The following ELOVL5 variants were observed in gnomAD, a reference collection of about 807,000 sequenced individuals.
The protein encoded by ELOVL5 is ELOVL fatty acid elongase 5, also known as very long chain fatty acid elongase 5.
Under a neutral mutation model 38.6 loss-of-function variants are expected in ELOVL5, and 8 were observed. That is an observed-to-expected ratio of 0.21 (90% CI 0.12 to 0.37). The LOEUF (loss-of-function observed/expected upper bound fraction) is 0.37. Among genes scored for constraint, ELOVL5 ranks in the 10% least tolerant of loss-of-function variants. The pLI, the probability that ELOVL5 is intolerant of heterozygous loss-of-function variation, is 1.00. For synonymous variants in ELOVL5, 127 were observed against 133.7 expected (o/e 0.95, Z 0.34); for missense variants, 280 against 367.8 (o/e 0.76, Z 1.95).
rs1428792159 is a variant in ELOVL5 at position 53,331,902 on chromosome 6, T to A, written c.-9+16915A>T. Among the ~76,000 whole-genome samples, 3 of 152,218 alleles carry A rather than the reference T, an allele frequency of 2.0e-5. No individual in the cohort carries two copies. In the East Asian group the frequency reaches 5.8e-4, roughly 29 times the overall value. On this transcript the variant is annotated intron_variant, in intron 1 of 7. Coordinates refer to ENST00000304434, the MANE Select transcript of ELOVL5 (RefSeq NM_021814.5). ...CTGCACAAGCAGCACAGTGCCAGCA[T>A]CTGCTTCTGGTGGGGCCTCAGGAAG...
chr6:53,290,428 T>C (rs1480282688), intron 3 of ELOVL5: 1 of 152,184 alleles, frequency 6.6e-6, no homozygotes, highest in Non-Finnish European at 1.5e-5. Context: ...TTTTGTCCCT[T>C]GAACACAGAA....
At chr6:53,305,642 G>T (rs1373405881) in intron 1 of ELOVL5, among the ~76,000 whole-genome samples, 1 of 151,126 alleles carries the variant, frequency 6.6e-6, no homozygotes, top group Admixed American at 6.6e-5. Context: ...TTCCTAGATG[G>T]GATGGCGGCC....
intron 1 of ELOVL5, among the ~76,000 whole-genome samples, chr6:53,325,836 C>G (rs1307162378): frequency 3.3e-5 from 5 of 152,220 alleles, no homozygotes; most frequent in Non-Finnish European, 5.9e-5. Flanking sequence ...TATTAAGCAG[C>G]CATGTTAATT....
intron 1 of ELOVL5, among the ~76,000 whole-genome samples, chr6:53,301,080 G>A (rs960669597): frequency 3.3e-5 from 5 of 152,152 alleles, no homozygotes; most frequent in African/African-American, 9.7e-5. Flanking sequence ...ATACTCTTTT[G>A]TACTAAAGGA....
rs1220766071 is a variant in ELOVL5 at position 53,273,253 on chromosome 6, G to C, written c.588C>G (p.Leu196=). ...CCTGAGTGATGTACTTCTTCCACCA[G>C]AGGTATGGACGCATGGAAGGGACTG... ...LSSVPSMRPY[L]WWKKYITQGQ... is the part of the protein sequence containing the mutation. The change falls in exon 6 of 8, where the codon CTC becomes CTG. Residue 196 remains leucine, a synonymous_variant. Coordinates refer to ENST00000304434, the MANE Select transcript of ELOVL5 (RefSeq NM_021814.5). The C allele has an allele frequency of 6.2e-7, 1 of 1,613,780 alleles. No homozygotes were observed. Among genetic ancestry groups the C allele is most frequent in the Non-Finnish European group, 8.5e-7 (1 of 1,179,814 alleles).
intron 1 of ELOVL5, among the ~76,000 whole-genome samples, chr6:53,316,873 A>C (rs1768066144): frequency 6.6e-6 from 1 of 152,144 alleles, no homozygotes; most frequent in African/African-American, 2.4e-5. Flanking sequence ...TTTTATTAAT[A>C]AATTGATTAT....
intron 1 of ELOVL5, among the ~76,000 whole-genome samples, chr6:53,324,039 G>A (rs1259271094): frequency 6.6e-6 from 1 of 152,028 alleles, no homozygotes; most frequent in Non-Finnish European, 1.5e-5. Flanking sequence ...GATCAATTGA[G>A]GTCAGGAGTT....
At position 53,336,777 on chromosome 6, in the gene ELOVL5, A is replaced by C. The variant is rs76564681; in HGVS notation, c.-9+12040T>G. On this transcript the variant is annotated intron_variant, in intron 1 of 7. Transcript: ENST00000304434. Reference sequence around the variant, plus strand: ...CTATCATTGGTATATTCTACCTGAAAGCCCTAACAGGTAATATGCAGGTAA... The same window carrying C: ...CTATCATTGGTATATTCTACCTGAACGCCCTAACAGGTAATATGCAGGTAA... Among the ~76,000 whole-genome samples the C allele has an allele frequency of 6.6e-3, 1,013 of 152,348 alleles. 18 individuals carry two copies. Among genetic ancestry groups the C allele is most frequent in the African/African-American group, 0.023 (973 of 41,586 alleles).
chr6:53,298,316 G>A (rs1316226405), intron 1 of ELOVL5, among the ~76,000 whole-genome samples: 8 of 152,156 alleles, frequency 5.3e-5, no homozygotes, highest in African/African-American at 1.9e-4. Flanking sequence ...GCTCACTGGG[G>A]ACAGACACCT....
At chr6:53,326,552 C>T (rs574699426) in intron 1 of ELOVL5, among the ~76,000 whole-genome samples, 1 of 152,308 alleles carries the variant, frequency 6.6e-6, no homozygotes, top group East Asian at 1.9e-4. Context: ...CTCCCTTACC[C>T]GCCTGTCCCA....
intron 1 of ELOVL5, among the ~76,000 whole-genome samples, chr6:53,330,859 T>C (rs979502260): frequency 4.6e-5 from 7 of 152,096 alleles, no homozygotes. Flanking sequence ...AACACACACA[T>C]TAGCCTAGGC....
intron 7 of ELOVL5, 66 bp downstream of exon 7, chr6:53,270,522 TAAGTA>T (rs1765879749): frequency 1.3e-5 from 20 of 1,545,376 alleles, no homozygotes; most frequent in Admixed American, 1.2e-4. Flanking sequence ...ACATGCCCAT[TAAGTA>T]AATAGATGAG....
At chr6:53,329,845 A>G (rs1768711265) in intron 1 of ELOVL5, among the ~76,000 whole-genome samples, 1 of 152,140 alleles carries the variant, frequency 6.6e-6, no homozygotes. Context: ...AGAAATAAAA[A>G]AGAGAGAATA....
chr6:53,347,702 A>G (rs931902892), intron 1 of ELOVL5, among the ~76,000 whole-genome samples: 1 of 152,154 alleles, frequency 6.6e-6, no homozygotes, highest in African/African-American at 2.4e-5. Context: ...CATGCACTGG[A>G]TTCTTCCGAA....
intron 3 of ELOVL5, among the ~76,000 whole-genome samples, chr6:53,276,715 G>A (rs1449712267): frequency 2.0e-5 from 3 of 152,122 alleles, no homozygotes; most frequent in Non-Finnish European, 4.4e-5. Context: ...TTCTGTTCCA[G>A]TAGGTCTGGG....
intron 1 of ELOVL5, among the ~76,000 whole-genome samples, chr6:53,333,762 G>A (rs1768910283): frequency 6.6e-6 from 1 of 152,098 alleles, no homozygotes; most frequent in African/African-American, 2.4e-5. Flanking sequence ...TTCATGTGTG[G>A]TTTATGGAAG....
chr6:53,333,613 A>G (rs1768901565), intron 1 of ELOVL5, among the ~76,000 whole-genome samples: 1 of 152,180 alleles, frequency 6.6e-6, no homozygotes, highest in Non-Finnish European at 1.5e-5. Context: ...CAAAAATCTT[A>G]TTTTTATCAA....
chr6:53,283,558 C>T (rs1766444486), intron 3 of ELOVL5, among the ~76,000 whole-genome samples: 1 of 152,038 alleles, frequency 6.6e-6, no homozygotes, highest in Non-Finnish European at 1.5e-5. Context: ...GACAATACTT[C>T]CATGTTATGG....
At chr6:53,272,095 AAG>A (rs1031314710) in intron 6 of ELOVL5, among the ~76,000 whole-genome samples, 4 of 152,234 alleles carry the variant, frequency 2.6e-5, no homozygotes, top group Admixed American at 1.3e-4. Flanking sequence ...TTCAGTCTCT[AAG>A]ATTTTCTCAG....
Sources: allele counts gnomAD v4.1 joint callset (sites outside exome capture counted in the v4.1 genomes callset), GRCh38; gene constraint gnomAD v4.1.1; transcripts MANE v1.5; gene names NCBI Gene and HGNC (gene_info 2026-07-23, HGNC 2026-07-21).